Variants in ZNF83 observed in about 807,000 individuals in gnomAD.
ZNF83 encodes the protein zinc finger protein 83, also known as zinc finger protein 816B.
For synonymous variants in ZNF83, 209 were observed against 213.0 expected (o/e 0.98, Z 0.17); for missense variants, 552 against 629.9 (o/e 0.88, Z 1.32).
At chr19:52,662,187 A>AT (rs1448755287) in intron 1 of ZNF83, among the ~76,000 whole-genome samples, 1 of 152,246 alleles carries the variant, frequency 6.6e-6, no homozygotes, top group Non-Finnish European at 1.5e-5. Flanking sequence ...AAATTACAAC[A>AT]TTTACAAATA....
At chr19:52,638,673 A>T (rs575126481), upstream of ZNF83, among the ~76,000 whole-genome samples, 3 of 152,366 alleles carry the variant, frequency 2.0e-5, no homozygotes, top group African/African-American at 7.2e-5. Context: ...TTTCATGCTG[A>T]TAGCCCACAG....
chr19:52,662,670 G>A (rs1464902763), intron 1 of ZNF83, among the ~76,000 whole-genome samples: 1 of 151,944 alleles, frequency 6.6e-6, no homozygotes, highest in African/African-American at 2.4e-5. Flanking sequence ...TCATTTCAGG[G>A]GTCAGTGTCA....
chr19:52,640,417 T>C (rs1475197002), upstream of ZNF83, among the ~76,000 whole-genome samples: 3 of 152,332 alleles, frequency 2.0e-5, no homozygotes, highest in African/African-American at 4.8e-5. Flanking sequence ...TGATTGGTTA[T>C]GGATTGATAC....
chr19:52,678,219 G>A (rs942281553), intron 1 of ZNF83, among the ~76,000 whole-genome samples: 24 of 151,972 alleles, frequency 1.6e-4, no homozygotes, highest in African/African-American at 5.1e-4. Flanking sequence ...TTGGGAGGTC[G>A]AGGCAGGTAG....
intron 3 of ZNF83, among the ~76,000 whole-genome samples, chr19:52,646,341 T>C (rs1326630230): frequency 6.6e-6 from 1 of 152,096 alleles, no homozygotes; most frequent in East Asian, 1.9e-4. Flanking sequence ...ATCAAGGAAT[T>C]TGAGACCAGC....
intron 2 of ZNF83, among the ~76,000 whole-genome samples, chr19:52,619,635 A>G (rs1286833802): frequency 2.6e-5 from 4 of 152,008 alleles, no homozygotes; most frequent in Non-Finnish European, 5.9e-5. Context: ...CCAAAAAAAA[A>G]AAAAAATGTT....
At chr19:52,615,373 A>G (rs1403159413) in intron 2 of ZNF83, among the ~76,000 whole-genome samples, 1 of 152,142 alleles carries the variant, frequency 6.6e-6, no homozygotes, top group Admixed American at 6.6e-5. Context: ...CATGAACAGG[A>G]TTAGTGCCTG....
chr19:52,638,390 C>CCGGGCGGGGCCCGCGAGG, upstream of ZNF83: 1 of 149,168 alleles, frequency 6.7e-6, no homozygotes, highest in African/African-American at 2.5e-5. Flanking sequence ...GAAGCCAGGT[C>CCGGGCGGGGCCCGCGAGG]TGGGCGGGGC....
At chr19:52,623,453 A>G (rs865852818) in intron 2 of ZNF83, among the ~76,000 whole-genome samples, 2 of 152,094 alleles carry the variant, frequency 1.3e-5, no homozygotes, top group African/African-American at 4.8e-5. Context: ...AACTTGAACA[A>G]TATTCTTTTA....
Position 52,614,733 on chromosome 19 carries a change from T to C in ZNF83, c.-169A>G. On this transcript the variant is annotated 5_prime_UTR_variant, in exon 3 of 3. It adds an upstream start codon to the 5' untranslated region. Coordinates refer to ENST00000301096, the Ensembl canonical transcript of ZNF83. The stretch of plus-strand genomic sequence containing the variant: ...GTCTTTCCAACATTACTGTCTGGAA[T>C]ATTTCTCCTGTATTACTCTCCTTTT... 7.6e-7 allele frequency: 1 copy of C among 1,321,556 alleles called. No homozygotes were observed. Among genetic ancestry groups the C allele is most frequent in the Non-Finnish European group, 9.7e-7 (1 of 1,029,196 alleles). The allele number at this position is 1,321,556 out of a possible 1,614,324, so 81.9% of individuals were successfully genotyped here. A position where few individuals can be genotyped will look rare whatever the true frequency, so the allele number is the denominator to read the frequency against.
rs1277254929 is a variant in ZNF83 at position 52,687,595 on chromosome 19, TA to T, written c.-283+2847del. Among the ~76,000 whole-genome samples, 219 of 33,238 alleles carry T rather than the reference TA, an allele frequency of 6.6e-3. 27 individuals are homozygous for T. Among genetic ancestry groups the T allele is most frequent in the African/African-American group, 0.065 (207 of 3,198 alleles). 21.8% of individuals were successfully genotyped at this position (33,238 alleles called of 152,430 possible). ...TATAAATTTTATATATATATATATA[TA>T]ATGTATATATATATAATGTGTATAT... On this transcript the variant is annotated intron_variant, in intron 1 of 5. Transcript: ENST00000594682.
At chr19:52,614,257 T>C in exon 3 of ZNF83, 1 of 1,614,146 alleles carries the variant, frequency 6.2e-7, no homozygotes, top group South Asian at 1.1e-5. Flanking sequence ...TAAGCCTTGA[T>C]GAAAGGCCTT....
chr19:52,663,458 C>T (rs1357884472), intron 1 of ZNF83, among the ~76,000 whole-genome samples: 1 of 152,116 alleles, frequency 6.6e-6, no homozygotes, highest in African/African-American at 2.4e-5. Flanking sequence ...TCAACATCTG[C>T]AAAGAATATT....
At chr19:52,642,723 T>C (rs1359667178), upstream of ZNF83, among the ~76,000 whole-genome samples, 1 of 152,056 alleles carries the variant, frequency 6.6e-6, no homozygotes, top group Non-Finnish European at 1.5e-5. Context: ...AGTCCAAGGG[T>C]CTATCATGAA....
chr19:52,625,541 C>G (rs894964517), intron 2 of ZNF83, among the ~76,000 whole-genome samples: 50 of 152,314 alleles, frequency 3.3e-4, no homozygotes, highest in African/African-American at 1.1e-3. Flanking sequence ...CTCCTTCACT[C>G]TTCATCTCCA....
At chr19:52,681,360 A>T (rs1568583524) in intron 1 of ZNF83, among the ~76,000 whole-genome samples, 1 of 151,720 alleles carries the variant, frequency 6.6e-6, no homozygotes, top group African/African-American at 2.4e-5. Context: ...GGTGATATTC[A>T]TTACCTAGAT....
chr19:52,668,524 G>A (rs8108414), intron 1 of ZNF83, among the ~76,000 whole-genome samples: 118,462 of 152,032 alleles, frequency 0.78, 46,490 homozygotes, highest in African/African-American at 0.87. Context: ...GGCTTCTTTA[G>A]GGTGTGCTTT....
rs112865286 is a variant in ZNF83 at position 52,623,385 on chromosome 19, T to C, written c.-233-8588A>G. ...GGCCTGTTTCCCTTGCCTCCATAACTGTTGTGGGTATTGATGGCCAGGCTC... is the reference window on the plus strand; with the variant it reads ...GGCCTGTTTCCCTTGCCTCCATAACCGTTGTGGGTATTGATGGCCAGGCTC... On this transcript the variant is annotated intron_variant, in intron 2 of 2. Coordinates refer to ENST00000301096, the Ensembl canonical transcript of ZNF83. Among the ~76,000 whole-genome samples the C allele has an allele frequency of 6.6e-4, 100 of 152,304 alleles. 1 individual carries two copies. The highest frequency in any genetic ancestry group is 2.2e-3 in the African/African-American group (91 of 41,554).
At chr19:52,632,239 T>G (rs1403827038) in intron 2 of ZNF83, among the ~76,000 whole-genome samples, 1 of 152,186 alleles carries the variant, frequency 6.6e-6, no homozygotes, top group Admixed American at 6.5e-5. Context: ...CAGTGAACCC[T>G]TATGGTCCTC....
Sources: gnomAD v4.1 joint callset for allele counts (sites outside exome capture counted in the v4.1 genomes callset) on GRCh38, gnomAD v4.1.1 for gene constraint, MANE v1.5 for transcripts, NCBI Gene and HGNC (gene_info 2026-07-23, HGNC 2026-07-21) for gene names.